The following FAM20C variants were observed in gnomAD, a reference collection of about 807,000 sequenced individuals.
FAM20C encodes FAM20C golgi associated secretory pathway kinase, also known as extracellular serine/threonine protein kinase FAM20C.
In FAM20C, 40 loss-of-function variants were observed where a neutral mutation model predicts 51.5. The ratio of observed to expected loss-of-function variants is 0.78; its 90% CI spans 0.60 to 1.01. The LOEUF (loss-of-function observed/expected upper bound fraction) is 1.01, where lower values mean the gene tolerates loss of function less well. Among genes scored for constraint, FAM20C ranks in the 50% least tolerant of loss-of-function variants. The pLI is 0.00. For missense variants in FAM20C, 861 were observed against 844.7 expected (o/e 1.02, Z -0.24); for synonymous variants, 406 against 380.6 (o/e 1.07, Z -0.78).
chr7:234,939 G>A (rs1787805623), intron 3 of FAM20C, among the ~76,000 whole-genome samples: 1 of 152,186 alleles, frequency 6.6e-6, no homozygotes. Flanking sequence ...CCTCTCAGCT[G>A]CGTTGCAACC....
chr7:200,283 G>T (rs1333659901), intron 2 of FAM20C, among the ~76,000 whole-genome samples: 1 of 150,566 alleles, frequency 6.6e-6, no homozygotes, highest in African/African-American at 2.4e-5. Context: ...CGCTCGGCCG[G>T]CCTAGAGAGA....
chr7:253,642 G>T (rs1788484114), intron 5 of FAM20C, among the ~76,000 whole-genome samples: 1 of 152,210 alleles, frequency 6.6e-6, no homozygotes, highest in Admixed American at 6.5e-5. Context: ...TGCCGGCGTT[G>T]CTGGGACCCC....
chr7:222,419 C>T (rs1439214250), intron 3 of FAM20C, among the ~76,000 whole-genome samples: 1 of 152,080 alleles, frequency 6.6e-6, no homozygotes, highest in Non-Finnish European at 1.5e-5. Context: ...TGCAGGCCCT[C>T]AGTAAGGGAG....
intron 8 of FAM20C, among the ~76,000 whole-genome samples, chr7:258,175 TGCCTGAGGTGCTGGAGATAGGCA>T (rs1179644138): frequency 2.6e-5 from 3 of 114,724 alleles, no homozygotes; most frequent in East Asian, 2.6e-4. Context: ...GTGGACCCAC[TGCCTGAGGTGCTGGAGATAGGCA>T]GGGTGGACCC....
At chr7:210,211 CGGCCCAGCCCTGCGGGG>C (rs71997996) in intron 3 of FAM20C, among the ~76,000 whole-genome samples, 4,992 of 152,282 alleles carry the variant, frequency 0.033, 94 homozygotes, top group Middle Eastern at 0.085. Context: ...ACGGGTCTCA[CGGCCCAGCCCTGCGGGG>C]GGCCTGAGAT....
chr7:244,231 T>G (rs1368768510), intron 3 of FAM20C, among the ~76,000 whole-genome samples: 3 of 152,110 alleles, frequency 2.0e-5, no homozygotes, highest in Non-Finnish European at 4.4e-5. Context: ...AGAAAAGAAA[T>G]CTTGCCTCCA....
chr7:248,307 C>T lies in FAM20C; in HGVS notation c.957-8C>T, dbSNP rs986834654. On this transcript the variant is annotated splice_polypyrimidine_tract_variant and splice_region_variant and intron_variant, in intron 4 of 9. Coordinates refer to ENST00000313766, the MANE Select transcript of FAM20C (RefSeq NM_020223.4). ...AGCACAGACCATTCCCCGCCCGTTT[C>T]TTGCCAGGATCCTGGACTTCCGCCG... The T allele has an allele frequency of 1.8e-5, 27 of 1,534,690 alleles. No individual in the cohort carries two copies. In the African/African-American group the frequency reaches 3.1e-4, roughly 18 times the overall value.
intron 3 of FAM20C, among the ~76,000 whole-genome samples, chr7:240,507 G>A (rs938476032): frequency 2.6e-5 from 4 of 151,928 alleles, no homozygotes; most frequent in Non-Finnish European, 2.9e-5. Context: ...TGGTGGAGGT[G>A]ATGATGATGT....
intron 5 of FAM20C, among the ~76,000 whole-genome samples, chr7:253,661 G>GGCTTCCTTGTGTAATTCCCGC (rs1562398018): frequency 2.6e-5 from 4 of 151,462 alleles, no homozygotes; most frequent in Non-Finnish European, 4.4e-5. Context: ...CCCGCTTCCC[G>GGCTTCCTTGTGTAATTCCCGC]GGCGAGGGGC....
At chr7:258,565 C>A in intron 8 of FAM20C, 81 bp from the exon 9 acceptor site, 1 of 1,416,072 alleles carries the variant, frequency 7.1e-7, no homozygotes, top group Non-Finnish European at 9.6e-7. Context: ...GGCAGGTGGA[C>A]CCATGGCCCA....
At chr7:258,802 C>A in intron 9 of FAM20C, 97 bp downstream of exon 9, 1 of 1,206,836 alleles carries the variant, frequency 8.3e-7, no homozygotes. Flanking sequence ...CCCCGGCCAT[C>A]ACATGGGAGA....
At chr7:198,397 C>T (rs1189727591) in intron 2 of FAM20C, among the ~76,000 whole-genome samples, 1 of 152,126 alleles carries the variant, frequency 6.6e-6, no homozygotes, top group African/African-American at 2.4e-5. Context: ...AATCTGGACT[C>T]TGACTTACAA....
At chr7:204,008 A>G (rs1236963303) in intron 2 of FAM20C, among the ~76,000 whole-genome samples, 1 of 152,258 alleles carries the variant, frequency 6.6e-6, no homozygotes, top group Non-Finnish European at 1.5e-5. Context: ...TCATTGCAGA[A>G]ACTTAGAAAG....
At chr7:253,387 C>A (rs1484378566) in intron 5 of FAM20C, among the ~76,000 whole-genome samples, 2 of 152,222 alleles carry the variant, frequency 1.3e-5, no homozygotes, top group African/African-American at 4.8e-5. Flanking sequence ...CACACTCTTG[C>A]CTGTCTGCGC....
intron 3 of FAM20C, among the ~76,000 whole-genome samples, chr7:217,753 A>G (rs1250767543): frequency 6.6e-6 from 1 of 152,158 alleles, no homozygotes; most frequent in Non-Finnish European, 1.5e-5. Flanking sequence ...CGGGAGAACA[A>G]TGACCCGGGG....
intron 2 of FAM20C, among the ~76,000 whole-genome samples, chr7:203,294 G>T (rs1054706748): frequency 6.6e-6 from 1 of 152,256 alleles, no homozygotes; most frequent in Non-Finnish European, 1.5e-5. Context: ...GTGCCCACAC[G>T]CCTGGGCTTC....
chr7:210,468 C>T (rs576773006), intron 3 of FAM20C, among the ~76,000 whole-genome samples: 14 of 152,230 alleles, frequency 9.2e-5, no homozygotes, highest in African/African-American at 3.4e-4. Flanking sequence ...GGCAGCTTCC[C>T]CTGGTGCTGC....
At chr7:228,463 A>T (rs1184049517) in intron 3 of FAM20C, 1 of 456,078 alleles carries the variant, frequency 2.2e-6, no homozygotes, top group Non-Finnish European at 4.4e-6. Context: ...GTCACGGCTC[A>T]GTGTGGGGTC....
intron 3 of FAM20C, among the ~76,000 whole-genome samples, chr7:223,965 C>T (rs1181829486): frequency 6.6e-6 from 1 of 152,170 alleles, no homozygotes; most frequent in Non-Finnish European, 1.5e-5. Flanking sequence ...CCCTCCACCC[C>T]AGGACCGTCC....
Sources: gnomAD v4.1 joint callset for allele counts (sites outside exome capture counted in the v4.1 genomes callset) on GRCh38, gnomAD v4.1.1 for gene constraint, MANE v1.5 for transcripts, NCBI Gene and HGNC (gene_info 2026-07-23, HGNC 2026-07-21) for gene names.